The following PPP2R2A variants were observed in gnomAD, a reference collection of about 807,000 sequenced individuals.
PPP2R2A encodes protein phosphatase 2 regulatory subunit Balpha.
PPP2R2A carries 9 observed loss-of-function variants against 53.2 expected under a neutral mutation model. That is an observed-to-expected ratio of 0.17 (90% CI 0.10 to 0.30). The LOEUF (loss-of-function observed/expected upper bound fraction) is 0.30, where lower values mean the gene tolerates loss of function less well. PPP2R2A is among the 10% of genes least tolerant of loss of function. The pLI is 1.00. For synonymous variants in PPP2R2A, 169 were observed against 174.2 expected, an observed-to-expected ratio of 0.97 and a Z score of 0.23; for missense variants, 235 against 534.6, an observed-to-expected ratio of 0.44 and a Z score of 5.53.
chr8:26,297,800 T>A (rs1244229376), intron 2 of PPP2R2A, among the ~76,000 whole-genome samples: 1 of 152,212 alleles, frequency 6.6e-6, no homozygotes, highest in Admixed American at 6.5e-5. Context: ...TTCATATTAT[T>A]GTTACTTTGA....
In PPP2R2A at chr8:26,354,697, C is replaced by T; in HGVS notation, c.346+64C>T. On this transcript the variant is annotated intron_variant, in intron 4 of 9. Transcript: ENST00000380737. The surrounding 1 kb of genome is among the most constrained non-coding windows in gnomAD (Gnocchi z 4.6). ...GTACCTGTTGCACATATCCTGTAGC[C>T]TAGGAGAGGAATCATTTAACAGAGA... 3 of 1,299,032 alleles carry T rather than the reference C, an allele frequency of 2.3e-6. No homozygotes were observed. Among genetic ancestry groups the T allele is most frequent in the African/African-American group, 3.0e-5 (2 of 66,596 alleles). The allele number at this position is 1,299,032 out of a possible 1,614,324, so 80.5% of individuals were successfully genotyped here.
chr8:26,337,254 T>A (rs1019360820), intron 2 of PPP2R2A, among the ~76,000 whole-genome samples: 338 of 151,938 alleles, frequency 2.2e-3, no homozygotes, highest in African/African-American at 7.7e-3. Flanking sequence ...ATGGTTAGGC[T>A]AAAAAAAACC....
rs934679393 is a variant in PPP2R2A, at chr8:26,329,923, C to T, written c.83-8967C>T. ...TTTTGAGTTGTGGGTACCATATACC[C>T]GTGTAAGTCTACATTTAACACTGAA... is the stretch of plus-strand genomic sequence containing the variant. On this transcript the variant is annotated intron_variant, in intron 2 of 9. Coordinates refer to ENST00000380737, the MANE Select transcript of PPP2R2A (RefSeq NM_002717.4). Among the ~76,000 whole-genome samples, 8 of 152,116 alleles carry T rather than the reference C, an allele frequency of 5.3e-5. No homozygotes were observed. In the South Asian group the frequency reaches 1.0e-3, roughly 20 times the overall value.
Position 26,362,966 on chromosome 8 carries a change from C to A in PPP2R2A, c.802+118C>A. ...AGTCTTAAACCCGTGTGTCCAGAGC[C>A]ACTTGTACCCTTGGTAATCTGCCTA... On this transcript the variant is annotated intron_variant, in intron 7 of 9. Coordinates refer to ENST00000380737, the MANE Select transcript of PPP2R2A (RefSeq NM_002717.4). The surrounding 1 kb of genome is among the most constrained non-coding windows in gnomAD (Gnocchi z 4.4). 2.2e-6 allele frequency: 2 copies of A among 924,290 alleles called. No individual in the cohort carries two copies. The highest frequency in any genetic ancestry group is 3.2e-6 in the Non-Finnish European group (2 of 623,496). 57.3% of individuals were successfully genotyped at this position (924,290 alleles called of 1,614,324 possible).
At chr8:26,299,813 A>G (rs1801701841) in intron 2 of PPP2R2A, among the ~76,000 whole-genome samples, 1 of 151,930 alleles carries the variant, frequency 6.6e-6, no homozygotes, top group African/African-American at 2.4e-5. Context: ...TTTAGGCAGT[A>G]AGGTAAGTTA....
chr8:26,312,453 T>C (rs1802334929), intron 2 of PPP2R2A, among the ~76,000 whole-genome samples: 1 of 152,234 alleles, frequency 6.6e-6, no homozygotes, highest in Admixed American at 6.5e-5. Context: ...CAAGGCAGCT[T>C]ATAGCCTCTC....
chr8:26,293,605 G>A, intron 1 of PPP2R2A, 61 bp from the exon 2 acceptor site: 1 of 1,475,906 alleles, frequency 6.8e-7, no homozygotes, highest in East Asian at 2.3e-5. Flanking sequence ...TACCATCTTT[G>A]TGTTTACGAG....
chr8:26,330,235 T>C (rs56183746), intron 2 of PPP2R2A, among the ~76,000 whole-genome samples: 35,228 of 151,960 alleles, frequency 0.23, 5,074 homozygotes, highest in Non-Finnish European at 0.32. Context: ...AAATAGTATG[T>C]TTTTTTATTT....
intron 2 of PPP2R2A, among the ~76,000 whole-genome samples, chr8:26,297,676 A>G (rs1428152327): frequency 2.6e-5 from 4 of 152,216 alleles, no homozygotes; most frequent in African/African-American, 7.2e-5. Flanking sequence ...GAGGATAACA[A>G]TAAAACCTGT....
chr8:26,370,651 C>CT lies in PPP2R2A; in HGVS notation c.*240dup. ...GGTAGGGCACTTTTAATTTAAATGA[C>CT]TTCTTGCACCATCTTGCCTAATGGA... On this transcript the variant is annotated 3_prime_UTR_variant, in exon 10 of 10. Coordinates refer to ENST00000380737, the MANE Select transcript of PPP2R2A (RefSeq NM_002717.4). The surrounding 1 kb of genome is among the most constrained non-coding windows in gnomAD (Gnocchi z 6.1). The CT allele has an allele frequency of 1.9e-6, 1 of 540,054 alleles. No homozygotes were observed. Among genetic ancestry groups the CT allele is most frequent in the Non-Finnish European group, 3.3e-6 (1 of 300,694 alleles). The allele number at this position is 540,054 out of a possible 1,614,324, so 33.5% of individuals were successfully genotyped here.
Position 26,360,132 on chromosome 8 carries a change from T to C in PPP2R2A, c.347-37T>C, listed in dbSNP as rs772491125. ...AAATGCCTTAAAATGTTTTTCTTCT[T>C]CAGTATTTTAAGGACTTTTCTTTAT... On this transcript the variant is annotated intron_variant, in intron 4 of 9. Transcript: ENST00000380737. The surrounding 1 kb of genome is among the most constrained non-coding windows in gnomAD (Gnocchi z 4.5). The C allele has an allele frequency of 2.1e-5, 25 of 1,172,646 alleles. 1 individual carries two copies. The Middle Eastern group carries it at 8.1e-4, about 38-fold the overall frequency. 72.6% of individuals were successfully genotyped at this position (1,172,646 alleles called of 1,614,324 possible). A position where few individuals can be genotyped will look rare whatever the true frequency, so the allele number is the denominator to read the frequency against.
At chr8:26,352,280 G>A (rs959589275) in intron 3 of PPP2R2A, among the ~76,000 whole-genome samples, 3 of 152,072 alleles carry the variant, frequency 2.0e-5, no homozygotes, top group African/African-American at 7.2e-5. Flanking sequence ...TCTTATTCAG[G>A]CTTGCTCACT....
intron 2 of PPP2R2A, among the ~76,000 whole-genome samples, chr8:26,314,769 T>A (rs1802456853): frequency 6.6e-6 from 1 of 152,128 alleles, no homozygotes. Flanking sequence ...TCGTACTCAT[T>A]GGACCCTTGC....
chr8:26,363,899 G>C lies in PPP2R2A; in HGVS notation c.972+9G>C. 1 of 1,572,958 alleles carries C rather than the reference G, an allele frequency of 6.4e-7. No homozygotes were observed. Among genetic ancestry groups the C allele is most frequent in the South Asian group, 1.2e-5 (1 of 85,024 alleles). ...CTGTGGAAACATACCAGGTATTTGA[G>C]TTTTTTCTTTCAATGAGCATATACC... On this transcript the variant is annotated intron_variant, in intron 8 of 9. Transcript: ENST00000380737.
chr8:26,308,707 C>G lies in PPP2R2A; in HGVS notation c.82+14967C>G, dbSNP rs375164055. Reference sequence around the variant, plus strand: ...TACTGGAATCAGCTCCTTTCAGACTCTTGTCAATGTTGATATTTTGACATC... The same window carrying G: ...TACTGGAATCAGCTCCTTTCAGACTGTTGTCAATGTTGATATTTTGACATC... On this transcript the variant is annotated intron_variant, in intron 2 of 9. Coordinates refer to ENST00000380737, the MANE Select transcript of PPP2R2A (RefSeq NM_002717.4). 1.2e-4 allele frequency among the ~76,000 whole-genome samples: 19 copies of G among 152,300 alleles called. No individual in the cohort carries two copies. The East Asian group carries it at 2.9e-3, about 23-fold the overall frequency.
chr8:26,346,825 T>C (rs1804244700), intron 3 of PPP2R2A, among the ~76,000 whole-genome samples: 1 of 152,224 alleles, frequency 6.6e-6, no homozygotes, highest in Non-Finnish European at 1.5e-5. Context: ...GAGGACTTTC[T>C]TATTAGAATG....
chr8:26,293,723 A>G lies in PPP2R2A; in HGVS notation c.65A>G (p.Asp22Gly). The G allele has an allele frequency of 6.2e-7, 1 of 1,613,752 alleles. No individual in the cohort carries two copies. The highest frequency in any genetic ancestry group is 1.6e-4 in the Middle Eastern group (1 of 6,062). ...WCFSQVKGAV[D>G]DDVAEADIIS... ...TTTTCTCAGGTGAAAGGAGCAGTAGATGATGATGTAGCAGAAGGTAAGAAA... is the reference window on the plus strand; with the variant it reads ...TTTTCTCAGGTGAAAGGAGCAGTAGGTGATGATGTAGCAGAAGGTAAGAAA... Residue 22 changes from aspartate (D) to glycine (G), a missense_variant, in exon 2 of 10, where the codon GAT becomes GGT. Coordinates refer to ENST00000380737, the MANE Select transcript of PPP2R2A (RefSeq NM_002717.4).
intron 8 of PPP2R2A, chr8:26,365,631 A>G (rs1162761586): frequency 5.9e-5 from 9 of 152,182 alleles, no homozygotes; most frequent in Admixed American, 3.9e-4. Context: ...TAATGTTGAA[A>G]TATGTCATAT....
Position 26,321,674 on chromosome 8 carries a change from A to G in PPP2R2A, c.83-17216A>G, listed in dbSNP as rs1296856059. Among the ~76,000 whole-genome samples, 1 of 152,220 alleles carries G rather than the reference A, an allele frequency of 6.6e-6. No individual in the cohort carries two copies. The highest frequency in any genetic ancestry group is 1.5e-5 in the Non-Finnish European group (1 of 68,036). The stretch of plus-strand genomic sequence containing the variant: ...GGCGACCTGACACCTGTCAGCAGCC[A>G]GGCGCACGAGCTTGGAAGTAGATCT... On this transcript the variant is annotated intron_variant, in intron 2 of 9. Transcript: ENST00000380737. The surrounding 1 kb of genome is among the most constrained non-coding windows in gnomAD (Gnocchi z 4.1).
Sources: gnomAD v4.1 joint callset for allele counts (sites outside exome capture counted in the v4.1 genomes callset) on GRCh38, gnomAD v4.1.1 for gene constraint, Gnocchi (gnomAD v3.1) non-coding constraint, MANE v1.5 for transcripts, NCBI Gene and HGNC (gene_info 2026-07-23, HGNC 2026-07-21) for gene names.